The following PDE10A variants were observed in gnomAD, a reference collection of about 807,000 sequenced individuals.
PDE10A encodes cAMP and cAMP-inhibited cGMP 3',5'-cyclic phosphodiesterase 10A.
In PDE10A, 39 loss-of-function variants were observed where a neutral mutation model predicts 97.7. The observed-to-expected ratio is 0.40, with a 90% CI of 0.31 to 0.52. The LOEUF (loss-of-function observed/expected upper bound fraction) is 0.52, where lower values mean the gene tolerates loss of function less well. PDE10A is among the 20% of genes least tolerant of loss of function. The probability of loss-of-function intolerance (pLI) is 0.56; values close to 1 mark genes in which losing one functional copy is unlikely to be tolerated. For missense variants in PDE10A, 731 were observed against 1,047.8 expected (o/e 0.70, Z 4.17); for synonymous variants, 371 against 376.8 (o/e 0.98, Z 0.18).
At chr6:165,818,406 C>T (rs563647014) in intron 1 of PDE10A, among the ~76,000 whole-genome samples, 4 of 152,232 alleles carry the variant, frequency 2.6e-5, no homozygotes, top group South Asian at 4.1e-4. Flanking sequence ...AAATGAAATG[C>T]GACTCTGCGG....
chr6:165,831,913 T>C (rs1779931255), intron 1 of PDE10A, among the ~76,000 whole-genome samples: 1 of 152,176 alleles, frequency 6.6e-6, no homozygotes, highest in South Asian at 2.1e-4. Flanking sequence ...CCCTTACGTC[T>C]TCTACTCCTC....
At chr6:165,729,435 AG>A (rs1792372244) in intron 1 of PDE10A, among the ~76,000 whole-genome samples, 1 of 150,532 alleles carries the variant, frequency 6.6e-6, no homozygotes, top group South Asian at 2.1e-4. Flanking sequence ...TATTTTTAAA[AG>A]GATTATATTG....
chr6:165,568,124 G>A (rs909991396), intron 1 of PDE10A, among the ~76,000 whole-genome samples: 9 of 146,874 alleles, frequency 6.1e-5, no homozygotes, highest in East Asian at 4.2e-4. Flanking sequence ...TCAGCCTCCC[G>A]AGTAGCTGGG....
intron 1 of PDE10A, among the ~76,000 whole-genome samples, chr6:165,853,761 G>A (rs893202224): frequency 1.3e-5 from 2 of 152,208 alleles, no homozygotes; most frequent in Non-Finnish European, 2.9e-5. Context: ...AACTCTGATA[G>A]CCCTTCTATA....
At chr6:165,883,589 G>T (rs889755949) in intron 1 of PDE10A, among the ~76,000 whole-genome samples, 1 of 151,612 alleles carries the variant, frequency 6.6e-6, no homozygotes, top group African/African-American at 2.4e-5. Context: ...CCCCACCAAA[G>T]AAGGGTGAGG....
intron 1 of PDE10A, among the ~76,000 whole-genome samples, chr6:165,687,664 C>T (rs887168815): frequency 3.9e-5 from 6 of 152,308 alleles, no homozygotes; most frequent in South Asian, 2.1e-4. Flanking sequence ...ACCTGTTCTA[C>T]GCTGTTTTTA....
At chr6:165,766,208 G>A (rs1388915946) in intron 1 of PDE10A, among the ~76,000 whole-genome samples, 5 of 152,208 alleles carry the variant, frequency 3.3e-5, no homozygotes, top group Admixed American at 6.5e-5. Context: ...TCAGAACCAT[G>A]AGAATAGGGT....
At chr6:165,832,724 G>A (rs1230373030) in intron 1 of PDE10A, among the ~76,000 whole-genome samples, 1 of 152,252 alleles carries the variant, frequency 6.6e-6, no homozygotes, top group East Asian at 1.9e-4. Context: ...GGCAATGACT[G>A]ATACACTTAA....
At chr6:165,760,951 G>T (rs1223072751) in intron 1 of PDE10A, among the ~76,000 whole-genome samples, 1 of 152,172 alleles carries the variant, frequency 6.6e-6, no homozygotes, top group Non-Finnish European at 1.5e-5. Flanking sequence ...AAGGTAATAT[G>T]AAACTGACAG....
At chr6:165,481,883 A>G (rs755508857) in intron 3 of PDE10A, among the ~76,000 whole-genome samples, 1 of 152,238 alleles carries the variant, frequency 6.6e-6, no homozygotes, top group South Asian at 2.1e-4. Context: ...GGTAGCGGAC[A>G]TGAGTAAAGC....
chr6:165,943,218 A>AAG (rs1562809665), intron 1 of PDE10A, among the ~76,000 whole-genome samples: 2 of 76,382 alleles, frequency 2.6e-5, no homozygotes, highest in Non-Finnish European at 5.5e-5. Flanking sequence ...AAAGAAAGAA[A>AAG]GAAAGAAAGA....
chr6:165,830,265 A>T (rs73031975), intron 1 of PDE10A, among the ~76,000 whole-genome samples: 4,812 of 152,312 alleles, frequency 0.032, 102 homozygotes, highest in Non-Finnish European at 0.047. Flanking sequence ...TCTGTCCCGC[A>T]CTGTCTCCAG....
chr6:165,345,538 G>A (rs760211762), intron 18 of PDE10A, among the ~76,000 whole-genome samples: 1 of 152,174 alleles, frequency 6.6e-6, no homozygotes, highest in African/African-American at 2.4e-5. Flanking sequence ...TGCTAACTGA[G>A]GTAGATCCTT....
Position 165,388,285 on chromosome 6 carries a change from T to G in PDE10A, c.2610+13A>C. Reference sequence around the variant, plus strand: ...CCTTCAGACTAAGCGAGAGACGGCGTGCAGTGACTCACCTGGAGGATGGAC... The same window carrying G: ...CCTTCAGACTAAGCGAGAGACGGCGGGCAGTGACTCACCTGGAGGATGGAC... On this transcript the variant is annotated intron_variant, in intron 17 of 21. Transcript: ENST00000539869. The surrounding 1 kb of genome is among the most constrained non-coding windows in gnomAD (Gnocchi z 4.0). 6.2e-7 allele frequency: 1 copy of G among 1,613,524 alleles called. No individual in the cohort carries two copies. The highest frequency in any genetic ancestry group is 1.1e-5 in the South Asian group (1 of 91,066).
At position 165,849,522 on chromosome 6, in the gene PDE10A, A is replaced by T. The variant is rs184064351; in HGVS notation, c.-615+138007T>A. 2.6e-3 allele frequency among the ~76,000 whole-genome samples: 394 copies of T among 152,358 alleles called. 1 individual carries two copies. The highest frequency in any genetic ancestry group is 9.2e-3 in the African/African-American group (382 of 41,588). Reference sequence around the variant, plus strand: ...ATATGTTCTCTTCTGTTCCTGACATATGTGGGTCTCCTGGTTCAGCATTTT... The same window carrying T: ...ATATGTTCTCTTCTGTTCCTGACATTTGTGGGTCTCCTGGTTCAGCATTTT... On this transcript the variant is annotated intron_variant, in intron 1 of 19. Coordinates refer to the PDE10A transcript ENST00000366882.
intron 18 of PDE10A, among the ~76,000 whole-genome samples, chr6:165,374,253 C>A (rs1286471718): frequency 6.6e-6 from 1 of 151,624 alleles, no homozygotes; most frequent in Non-Finnish European, 1.5e-5. Context: ...AAAATTAAAT[C>A]TATAAAAATA....
At chr6:165,445,004 T>G (rs1467311103) in intron 5 of PDE10A, among the ~76,000 whole-genome samples, 2 of 152,112 alleles carry the variant, frequency 1.3e-5, no homozygotes, top group African/African-American at 4.8e-5. Flanking sequence ...TGTTGTGAAA[T>G]TGAGTTATTT....
At chr6:165,536,533 C>G (rs1783096330) in intron 2 of PDE10A, among the ~76,000 whole-genome samples, 1 of 149,518 alleles carries the variant, frequency 6.7e-6, no homozygotes, top group African/African-American at 2.5e-5. Flanking sequence ...GAGAAAATAT[C>G]TGCTAACTAT....
chr6:165,488,677 G>A (rs550169464), intron 2 of PDE10A, among the ~76,000 whole-genome samples: 15 of 152,084 alleles, frequency 9.9e-5, no homozygotes, highest in Non-Finnish European at 2.1e-4. Context: ...TTTCTCAGAT[G>A]GAGGCTTGTA....
Sources: allele counts gnomAD v4.1 joint callset (sites outside exome capture counted in the v4.1 genomes callset), GRCh38; gene constraint gnomAD v4.1.1; non-coding constraint Gnocchi (gnomAD v3.1); transcripts MANE v1.5; gene names NCBI Gene and HGNC (gene_info 2026-07-23, HGNC 2026-07-21).